Variants in TXNDC16 observed in about 807,000 individuals in gnomAD.
The protein encoded by TXNDC16 is thioredoxin domain containing 16, also known as thioredoxin domain-containing protein 16.
A neutral mutation model predicts 85.6 loss-of-function variants in TXNDC16; 74 were observed. That is an observed-to-expected ratio of 0.86 (90% CI 0.72 to 1.05). The LOEUF (loss-of-function observed/expected upper bound fraction) is 1.05, where lower values mean the gene tolerates loss of function less well. Ranked by LOEUF, TXNDC16 falls within the 50% of genes least tolerant of loss-of-function variation. The pLI is 0.00. For missense variants in TXNDC16, 959 were observed against 947.0 expected (o/e 1.01, Z -0.17); for synonymous variants, 335 against 326.5 (o/e 1.03, Z -0.28).
At chr14:52,513,371 A>G (rs904835950) in intron 8 of TXNDC16, among the ~76,000 whole-genome samples, 3 of 152,168 alleles carry the variant, frequency 2.0e-5, no homozygotes, top group African/African-American at 7.2e-5. Flanking sequence ...CAAATAGCCA[A>G]CTACTTTATC....
intron 9 of TXNDC16, among the ~76,000 whole-genome samples, chr14:52,492,040 G>A (rs1156367378): frequency 6.6e-6 from 1 of 152,184 alleles, no homozygotes; most frequent in Admixed American, 6.5e-5. Context: ...AAAATAAGGA[G>A]GAATGTGTCA....
intron 18 of TXNDC16, among the ~76,000 whole-genome samples, chr14:52,443,168 C>A (rs1353762887): frequency 4.6e-5 from 7 of 151,986 alleles, no homozygotes; most frequent in Non-Finnish European, 1.0e-4. Flanking sequence ...TAATCAGCTG[C>A]CAGCACAACT....
At chr14:52,521,443 T>C (rs1027077930) in intron 6 of TXNDC16, among the ~76,000 whole-genome samples, 6 of 151,448 alleles carry the variant, frequency 4.0e-5, no homozygotes, top group Non-Finnish European at 4.4e-5. Flanking sequence ...TTTGCAAATA[T>C]CTTTAATTCG....
chr14:52,496,418 CTTT>C (rs200696407), intron 9 of TXNDC16, among the ~76,000 whole-genome samples: 9 of 130,208 alleles, frequency 6.9e-5, no homozygotes, highest in Admixed American at 2.3e-4. Flanking sequence ...TCCAACTCGT[CTTT>C]TTTTTTTTTT....
chr14:52,448,416 C>A (rs1296934201), intron 18 of TXNDC16, among the ~76,000 whole-genome samples: 1 of 150,976 alleles, frequency 6.6e-6, no homozygotes, highest in Non-Finnish European at 1.5e-5. Context: ...AAACTTTTTA[C>A]CCTAGAATAG....
In TXNDC16 at chr14:52,530,434, TATATAATATATTATTATATA is replaced by T. The variant is rs2037511415; in HGVS notation, c.392+6265_392+6284del. 6.2e-4 allele frequency among the ~76,000 whole-genome samples: 10 copies of T among 16,182 alleles called. 1 individual carries two copies. Among genetic ancestry groups the T allele is most frequent in the African/African-American group, 3.1e-3 (8 of 2,610 alleles). The allele number at this position is 16,182 out of a possible 152,430, so 10.6% of individuals were successfully genotyped here. A position where few individuals can be genotyped will look rare whatever the true frequency, so the allele number is the denominator to read the frequency against. On this transcript the variant is annotated intron_variant, in intron 6 of 20. Coordinates refer to ENST00000281741, the MANE Select transcript of TXNDC16 (RefSeq NM_020784.3). The stretch of plus-strand genomic sequence containing the variant: ...TATTATATAATATTATATATAATAA[TATATAATATATTATTATATA>T]ATAATATATATTATATATTATTATA...
chr14:52,541,807 G>C (rs1201825766), intron 4 of TXNDC16, among the ~76,000 whole-genome samples: 3 of 152,136 alleles, frequency 2.0e-5, no homozygotes, highest in African/African-American at 7.2e-5. Context: ...AATCCATGAT[G>C]CATGTGGAAA....
chr14:52,527,771 C>CAT (rs1276889049), intron 6 of TXNDC16, among the ~76,000 whole-genome samples: 6 of 152,014 alleles, frequency 3.9e-5, no homozygotes, highest in Non-Finnish European at 5.9e-5. Context: ...GTGTGTATAA[C>CAT]ATATATATAT....
At chr14:52,525,053 T>C (rs1172319945) in intron 6 of TXNDC16, among the ~76,000 whole-genome samples, 2 of 149,924 alleles carry the variant, frequency 1.3e-5, no homozygotes, top group Non-Finnish European at 3.0e-5. Context: ...ACCCAGGAGG[T>C]GGGGGTTGCA....
chr14:52,516,359 A>C (rs1418032859), intron 7 of TXNDC16, among the ~76,000 whole-genome samples: 1 of 152,222 alleles, frequency 6.6e-6, no homozygotes, highest in Admixed American at 6.5e-5. Flanking sequence ...GGCTGGGTAC[A>C]GAATTCTAGG....
chr14:52,506,041 A>G (rs1459369546), intron 9 of TXNDC16, among the ~76,000 whole-genome samples: 1 of 152,212 alleles, frequency 6.6e-6, no homozygotes, highest in African/African-American at 2.4e-5. Flanking sequence ...TGAATCTCTG[A>G]ATAGACCAAT....
intron 14 of TXNDC16, among the ~76,000 whole-genome samples, chr14:52,480,063 G>A (rs900196935): frequency 6.6e-6 from 1 of 151,954 alleles, no homozygotes; most frequent in Non-Finnish European, 1.5e-5. Context: ...TATAAAGTGG[G>A]GAAAGACCTA....
At chr14:52,454,313 C>T (rs1407670125) in intron 18 of TXNDC16, among the ~76,000 whole-genome samples, 3 of 151,232 alleles carry the variant, frequency 2.0e-5, no homozygotes, top group Non-Finnish European at 4.4e-5. Context: ...GTAGTCCTGG[C>T]TACTTGGGAA....
intron 9 of TXNDC16, among the ~76,000 whole-genome samples, chr14:52,510,651 T>C (rs983766677): frequency 6.6e-6 from 1 of 152,234 alleles, no homozygotes; most frequent in South Asian, 2.1e-4. Context: ...TGCACCACTT[T>C]TATATTTTAA....
intron 12 of TXNDC16, among the ~76,000 whole-genome samples, chr14:52,483,482 T>A (rs1266204244): frequency 6.6e-6 from 1 of 152,204 alleles, no homozygotes; most frequent in African/African-American, 2.4e-5. Flanking sequence ...AAGAAAAGAA[T>A]GTTTTAGACA....
intron 16 of TXNDC16, among the ~76,000 whole-genome samples, chr14:52,466,175 A>C (rs1174386703): frequency 6.6e-6 from 1 of 151,888 alleles, no homozygotes; most frequent in Non-Finnish European, 1.5e-5. Context: ...ATATGAATCC[A>C]TAACATGAAA....
At chr14:52,463,464 G>A (rs2035700645) in intron 16 of TXNDC16, among the ~76,000 whole-genome samples, 1 of 152,282 alleles carries the variant, frequency 6.6e-6, no homozygotes, top group East Asian at 1.9e-4. Context: ...AGAACCATTT[G>A]CGGCTGGGCA....
intron 16 of TXNDC16, among the ~76,000 whole-genome samples, chr14:52,469,513 G>A (rs753566908): frequency 7.9e-5 from 12 of 152,066 alleles, no homozygotes; most frequent in South Asian, 4.1e-4. Flanking sequence ...GGGAGGCCAA[G>A]GCAGGCGGAT....
intron 17 of TXNDC16, among the ~76,000 whole-genome samples, chr14:52,455,904 T>C (rs887583155): frequency 1.3e-5 from 2 of 152,154 alleles, no homozygotes; most frequent in Non-Finnish European, 2.9e-5. Context: ...GTGGCCATTA[T>C]GACCTCATTT....
Sources: gnomAD v4.1 joint callset for allele counts (sites outside exome capture counted in the v4.1 genomes callset) on GRCh38, gnomAD v4.1.1 for gene constraint, MANE v1.5 for transcripts, NCBI Gene and HGNC (gene_info 2026-07-23, HGNC 2026-07-21) for gene names.